SIMC1: variants seen among roughly 807,000 people sequenced by gnomAD.
The protein encoded by SIMC1 is SUMO-interacting motif-containing protein 1.
Under a neutral mutation model 82.3 loss-of-function variants are expected in SIMC1, and 55 were observed. That is an observed-to-expected ratio of 0.67 (90% CI 0.54 to 0.84). The LOEUF is 0.84. Ranked by LOEUF, SIMC1 falls within the 40% of genes least tolerant of loss-of-function variation. The pLI is 0.00. For synonymous variants in SIMC1, 353 were observed against 426.3 expected (o/e 0.83, Z 2.12); for missense variants, 915 against 1,107.2 (o/e 0.83, Z 2.46).
intron 7 of SIMC1, among the ~76,000 whole-genome samples, chr5:176,329,406 G>A (rs1171435715): frequency 6.6e-6 from 1 of 151,582 alleles, no homozygotes; most frequent in Non-Finnish European, 1.5e-5. Flanking sequence ...GGGAGGCGGA[G>A]CTTGCAGTGA....
intron 4 of SIMC1, among the ~76,000 whole-genome samples, chr5:176,297,993 G>A (rs541892413): frequency 4.6e-5 from 7 of 152,302 alleles, no homozygotes; most frequent in South Asian, 2.1e-4. Flanking sequence ...CAATCTGGGA[G>A]ACATCTGCAA....
At chr5:176,334,859 G>A (rs1765815029) in intron 7 of SIMC1, among the ~76,000 whole-genome samples, 1 of 152,130 alleles carries the variant, frequency 6.6e-6, no homozygotes, top group Non-Finnish European at 1.5e-5. Context: ...TTGGGAGGCA[G>A]TTGGGGTGGA....
chr5:176,292,820 C>G (rs181904612), intron 2 of SIMC1, among the ~76,000 whole-genome samples: 2 of 152,198 alleles, frequency 1.3e-5, no homozygotes, highest in Admixed American at 6.5e-5. Context: ...GGATTACAGG[C>G]GTGAGCCACC....
intron 4 of SIMC1, among the ~76,000 whole-genome samples, chr5:176,303,460 T>TA (rs1764131042): frequency 1.3e-5 from 2 of 152,002 alleles, no homozygotes; most frequent in Non-Finnish European, 2.9e-5. Flanking sequence ...TAGCTGGTAT[T>TA]ACAGGCATGC....
At chr5:176,336,624 T>C (rs1040197854) in intron 7 of SIMC1, 96 bp from the exon 8 acceptor site, 10 of 1,502,602 alleles carry the variant, frequency 6.7e-6, no homozygotes, top group Non-Finnish European at 9.0e-6. Context: ...AACTGTCTTT[T>C]TTAGGACAAA....
At chr5:176,284,033 TAGAGACCTGCAA>T (rs1469352574) in intron 1 of SIMC1, among the ~76,000 whole-genome samples, 11 of 152,110 alleles carry the variant, frequency 7.2e-5, no homozygotes, top group African/African-American at 2.7e-4. Context: ...AGCAAGTCCT[TAGAGACCTGCAA>T]AGAGACTTAG....
chr5:176,248,182 A>G (rs1287373378), intron 1 of SIMC1, among the ~76,000 whole-genome samples: 7 of 152,122 alleles, frequency 4.6e-5, no homozygotes, highest in Non-Finnish European at 8.8e-5. Context: ...CATTGAATCT[A>G]TAAATTTCTT....
intron 1 of SIMC1, among the ~76,000 whole-genome samples, chr5:176,279,161 T>C (rs1762860456): frequency 1.3e-5 from 2 of 152,214 alleles, no homozygotes; most frequent in Admixed American, 6.5e-5. Flanking sequence ...ATTCAACTTC[T>C]TCCTGGTTTA....
intron 5 of SIMC1, among the ~76,000 whole-genome samples, chr5:176,318,059 G>A (rs1240356244): frequency 6.6e-6 from 1 of 152,172 alleles, no homozygotes; most frequent in Non-Finnish European, 1.5e-5. Context: ...TGTAAATGAA[G>A]TAGTGGCCCA....
chr5:176,290,574 A>G lies in SIMC1; in HGVS notation c.1050A>G (p.Pro350=). 5 of 1,613,912 alleles carry G rather than the reference A, an allele frequency of 3.1e-6. No homozygotes were observed. Among genetic ancestry groups the G allele is most frequent in the South Asian group, 1.1e-5 (1 of 91,080 alleles). The stretch of plus-strand genomic sequence containing the variant: ...TGTTACATTCACCTGGAGACATGCC[A>G]CACTCATCAGGGGACGTGACACACT... ...GDVLHSPGDM[P]HSSGDVTHSP... is the part of the protein sequence containing the mutation. Residue 350 remains proline (P), a synonymous_variant, in exon 2 of 10, where the codon CCA becomes CCG. Coordinates refer to ENST00000429602, the MANE Select transcript of SIMC1 (RefSeq NM_001308195.2).
intron 4 of SIMC1, chr5:176,308,102 C>G (rs1355399679): frequency 2.4e-5 from 19 of 808,406 alleles, no homozygotes; most frequent in Middle Eastern, 4.4e-4. Context: ...GGCAGTTCAT[C>G]TAGAGTCTGA....
chr5:176,280,882 C>G (rs1762974046), intron 1 of SIMC1, among the ~76,000 whole-genome samples: 2 of 152,190 alleles, frequency 1.3e-5, no homozygotes, highest in South Asian at 4.1e-4. Flanking sequence ...TTCATTTCAA[C>G]TTTGGTGAAT....
chr5:176,313,778 C>T lies in SIMC1; in HGVS notation c.1822C>T (p.Arg608Trp), dbSNP rs761089697. Residue 608 changes from arginine (R) to tryptophan (W), a missense_variant, in exon 5 of 10, where the codon CGG becomes TGG. This residue lies in a region of SIMC1 where 902 missense variants were observed against 1,040.3 expected (regional missense o/e 0.87). Transcript: ENST00000429602. Reference protein sequence around the residue: ...DDFQQTLRRQRQHLQQSIANM... With the variant: ...DDFQQTLRRQWQHLQQSIANM... ...CTTTCAGCAGACCCTGAGGAGGCAA[C>T]GGCAGCACCTGCAGCAATCCATTGC... 1.1e-5 allele frequency: 18 copies of T among 1,613,948 alleles called. No homozygotes were observed. The highest frequency in any genetic ancestry group is 1.4e-5 in the Non-Finnish European group (16 of 1,179,876).
chr5:176,247,317 G>A (rs1761484991), intron 1 of SIMC1, among the ~76,000 whole-genome samples: 1 of 152,146 alleles, frequency 6.6e-6, no homozygotes, highest in Non-Finnish European at 1.5e-5. Flanking sequence ...GTGTGAGATA[G>A]TGTATCATTG....
At chr5:176,282,868 G>A (rs1329120400) in intron 1 of SIMC1, among the ~76,000 whole-genome samples, 2 of 152,204 alleles carry the variant, frequency 1.3e-5, no homozygotes, top group Non-Finnish European at 2.9e-5. Flanking sequence ...CGAGAACTAC[G>A]TGATGCATGC....
chr5:176,288,053 G>C (rs1025115299), intron 1 of SIMC1, among the ~76,000 whole-genome samples: 5 of 152,070 alleles, frequency 3.3e-5, no homozygotes, highest in African/African-American at 7.2e-5. Flanking sequence ...GTCATTCCAG[G>C]TAAAATGAAA....
chr5:176,277,292 GTTCT>G (rs1312498374), intron 1 of SIMC1, among the ~76,000 whole-genome samples: 17 of 151,786 alleles, frequency 1.1e-4, no homozygotes, highest in African/African-American at 3.9e-4. Context: ...TTTTGATGGG[GTTCT>G]TTGTTTTTTT....
Position 176,290,690 on chromosome 5 carries a change from C to T in SIMC1, c.1166C>T (p.Ala389Val), listed in dbSNP as rs753574102. The T allele has an allele frequency of 8.1e-6, 13 of 1,613,910 alleles. No individual in the cohort carries two copies. In the South Asian group the frequency reaches 1.3e-4, roughly 16 times the overall value. Reference protein sequence around the residue: ...QNRDMPMDISALSSPSCSPSP... With the variant: ...QNRDMPMDISVLSSPSCSPSP... ...CGTGACATGCCTATGGATATCTCAGCTCTGTCCTCTCCAAGCTGCTCTCCC... is the reference window on the plus strand; with the variant it reads ...CGTGACATGCCTATGGATATCTCAGTTCTGTCCTCTCCAAGCTGCTCTCCC... Residue 389 changes from alanine to valine, a missense_variant, in exon 2 of 10, where the codon GCT (alanine) becomes GTT (valine). By Grantham distance (64) the Ala-to-Val change is moderately conservative. Around this residue, in one of 2 missense-constraint regions of SIMC1, gnomAD observed 902 missense variants for 1,040.3 expected, o/e 0.87. Coordinates refer to ENST00000429602, the MANE Select transcript of SIMC1 (RefSeq NM_001308195.2).
intron 4 of SIMC1, chr5:176,308,454 C>T (rs948323479): frequency 6.2e-6 from 10 of 1,607,762 alleles, no homozygotes; most frequent in South Asian, 5.5e-5. Context: ...AACTGTTTGG[C>T]CTTCACATGT....
Sources: gnomAD v4.1 joint callset for allele counts (sites outside exome capture counted in the v4.1 genomes callset) on GRCh38, gnomAD v4.1.1 for gene constraint, gnomAD v4.1.1 regional missense constraint, MANE v1.5 for transcripts, NCBI Gene and HGNC (gene_info 2026-07-23, HGNC 2026-07-21) for gene names.